The following DLG2 variants were observed in gnomAD, a reference collection of about 807,000 sequenced individuals.
DLG2 encodes disks large homolog 2.
In DLG2, 45 loss-of-function variants were observed where a neutral mutation model predicts 132.5. The observed-to-expected ratio is 0.34, with a 90% confidence interval of 0.27 to 0.44. The LOEUF is 0.44. Ranked by LOEUF, DLG2 falls within the 20% of genes least tolerant of loss-of-function variation. The pLI is 1.00. For synonymous variants in DLG2, 424 were observed against 419.6 expected, an observed-to-expected ratio of 1.01 and a Z score of -0.13; for missense variants, 1,045 against 1,196.9, an observed-to-expected ratio of 0.87 and a Z score of 1.87.
At chr11:85,516,376 A>T (rs2094169125) in intron 3 of DLG2, among the ~76,000 whole-genome samples, 1 of 152,054 alleles carries the variant, frequency 6.6e-6, no homozygotes, top group Non-Finnish European at 1.5e-5. Context: ...CTAACATTGC[A>T]CCTCAAGGAC....
chr11:84,168,946 G>A (rs940596300), intron 8 of DLG2, among the ~76,000 whole-genome samples: 106 of 151,790 alleles, frequency 7.0e-4, no homozygotes, highest in African/African-American at 1.8e-3. Context: ...AATATGTCAT[G>A]ATGCATTACT....
At chr11:85,522,398 A>G (rs1404827225) in intron 3 of DLG2, among the ~76,000 whole-genome samples, 1 of 152,196 alleles carries the variant, frequency 6.6e-6, no homozygotes, top group Non-Finnish European at 1.5e-5. Context: ...AATCTCTGCT[A>G]GGGCAGTGCG....
At chr11:85,492,242 A>T (rs1393589375) in intron 3 of DLG2, among the ~76,000 whole-genome samples, 1 of 152,198 alleles carries the variant, frequency 6.6e-6, no homozygotes, top group Non-Finnish European at 1.5e-5. Flanking sequence ...TTGGTGCAAA[A>T]GTAATTGCAG....
chr11:84,352,772 A>G (rs376115548), intron 7 of DLG2, among the ~76,000 whole-genome samples: 87 of 152,360 alleles, frequency 5.7e-4, no homozygotes, highest in African/African-American at 2.1e-3. Flanking sequence ...GTTTATTAAA[A>G]CAGACAATGT....
intron 6 of DLG2, among the ~76,000 whole-genome samples, chr11:84,969,006 TC>T (rs2053694840): frequency 6.6e-6 from 1 of 151,548 alleles, no homozygotes; most frequent in Non-Finnish European, 1.5e-5. Flanking sequence ...AATAATTGCT[TC>T]AGTTGAAAGC....
intron 7 of DLG2, among the ~76,000 whole-genome samples, chr11:84,260,196 T>C (rs1400098571): frequency 6.6e-6 from 1 of 152,144 alleles, no homozygotes; most frequent in Non-Finnish European, 1.5e-5. Flanking sequence ...GCACAGAAAG[T>C]AGAGACCAGT....
chr11:84,920,713 A>ATGTG (rs34997443), intron 6 of DLG2, among the ~76,000 whole-genome samples: 34 of 151,164 alleles, frequency 2.2e-4, no homozygotes, highest in South Asian at 1.3e-3. Flanking sequence ...GTTTGTAAAT[A>ATGTG]TGTGTGTGTG....
intron 6 of DLG2, among the ~76,000 whole-genome samples, chr11:84,588,782 G>GGA (rs1378648028): frequency 2.2e-5 from 3 of 137,008 alleles, no homozygotes; most frequent in East Asian, 2.2e-4. Context: ...TAGCATATGT[G>GGA]AAAAAAAAAA....
chr11:84,507,705 T>A (rs961109236), intron 7 of DLG2, among the ~76,000 whole-genome samples: 3 of 152,204 alleles, frequency 2.0e-5, no homozygotes, highest in Admixed American at 2.0e-4. Context: ...TTATTCAAAG[T>A]TTTTTCTATG....
chr11:83,861,632 T>C (rs2061473082), intron 16 of DLG2, among the ~76,000 whole-genome samples: 1 of 152,104 alleles, frequency 6.6e-6, no homozygotes, highest in South Asian at 2.1e-4. Context: ...AAGATAAACG[T>C]CATATTTTCT....
intron 6 of DLG2, among the ~76,000 whole-genome samples, chr11:84,744,980 T>C (rs1036794097): frequency 9.0e-5 from 13 of 144,764 alleles, no homozygotes; most frequent in African/African-American, 3.0e-4. Context: ...CAAACAGATA[T>C]CCAAAAGATT....
intron 18 of DLG2, among the ~76,000 whole-genome samples, chr11:83,680,918 A>G (rs1477025519): frequency 6.6e-6 from 1 of 152,162 alleles, no homozygotes; most frequent in African/African-American, 2.4e-5. Flanking sequence ...GAGATGCTAA[A>G]ATGAGTTGCT....
In DLG2 at chr11:84,584,898, C is replaced by T. The variant is rs959473848; in HGVS notation, c.358-50167G>A. Among the ~76,000 whole-genome samples the T allele has an allele frequency of 7.6e-4, 115 of 151,200 alleles. 1 individual carries two copies. The highest frequency in any genetic ancestry group is 2.7e-3 in the African/African-American group (112 of 41,172). The stretch of plus-strand genomic sequence containing the variant: ...AGAGACGGGGTTTCACCGTTTTAGT[C>T]GGGATGGTCTCGATCTCCTGACCTC... On this transcript the variant is annotated intron_variant, in intron 6 of 27. Transcript: ENST00000376104.
At chr11:85,082,725 T>C (rs537180983) in intron 6 of DLG2, among the ~76,000 whole-genome samples, 4 of 147,340 alleles carry the variant, frequency 2.7e-5, no homozygotes, top group African/African-American at 9.8e-5. Context: ...CATGGTTTTT[T>C]CTTTTCTTTC....
At chr11:84,946,029 C>T (rs1189032326) in intron 6 of DLG2, among the ~76,000 whole-genome samples, 1 of 152,070 alleles carries the variant, frequency 6.6e-6, no homozygotes, top group Non-Finnish European at 1.5e-5. Context: ...CTGGCTACTT[C>T]CAATGTTCAC....
intron 21 of DLG2, among the ~76,000 whole-genome samples, chr11:83,511,013 T>C: frequency 7.8e-6 from 1 of 128,050 alleles, no homozygotes; most frequent in African/African-American, 3.1e-5. Context: ...CAAACTGCCC[T>C]CCAATACTAC....
intron 4 of DLG2, among the ~76,000 whole-genome samples, chr11:85,282,817 C>A (rs1435639763): frequency 6.6e-6 from 1 of 151,902 alleles, no homozygotes; most frequent in East Asian, 1.9e-4. Flanking sequence ...TTCACAATAG[C>A]AAAGACATGG....
chr11:84,027,374 ATTCTT>A (rs2095564073), intron 11 of DLG2, among the ~76,000 whole-genome samples: 1 of 152,102 alleles, frequency 6.6e-6, no homozygotes, highest in Non-Finnish European at 1.5e-5. Context: ...TGTGCTCATC[ATTCTT>A]TTCTTAATTG....
At chr11:85,533,977 G>GGTTTTTT (rs1295346205) in intron 3 of DLG2, among the ~76,000 whole-genome samples, 11 of 152,068 alleles carry the variant, frequency 7.2e-5, no homozygotes, top group Admixed American at 3.9e-4. Context: ...GTTGCTCTCT[G>GGTTTTTT]GTTTTTTGTT....
Sources: gnomAD v4.1 joint callset for allele counts (sites outside exome capture counted in the v4.1 genomes callset) on GRCh38, gnomAD v4.1.1 for gene constraint, MANE v1.5 for transcripts, NCBI Gene and HGNC (gene_info 2026-07-23, HGNC 2026-07-21) for gene names.